Variants in ADAMTS16 observed in about 807,000 individuals in gnomAD.
ADAMTS16 encodes the protein ADAM metallopeptidase with thrombospondin type 1 motif 16.
Under a neutral mutation model 145.8 loss-of-function variants are expected in ADAMTS16, and 94 were observed. The observed-to-expected ratio is 0.64, with a 90% CI of 0.55 to 0.77. ADAMTS16 has a LOEUF of 0.77. Ranked by LOEUF, ADAMTS16 falls within the 30% of genes least tolerant of loss-of-function variation. The pLI is 0.00. For synonymous variants in ADAMTS16, 659 were observed against 604.3 expected (o/e 1.09, Z -1.33); for missense variants, 1,585 against 1,591.5 (o/e 1.00, Z 0.07).
chr5:5,184,473 C>T (rs1049032176), intron 4 of ADAMTS16, among the ~76,000 whole-genome samples: 1 of 152,138 alleles, frequency 6.6e-6, no homozygotes, highest in African/African-American at 2.4e-5. Flanking sequence ...GAACTCAGGG[C>T]AGTCCTGCTC....
chr5:5,308,327 G>C (rs574655480), intron 21 of ADAMTS16, among the ~76,000 whole-genome samples: 2 of 152,216 alleles, frequency 1.3e-5, no homozygotes, highest in African/African-American at 4.8e-5. Flanking sequence ...CACAGTGTAC[G>C]TACAGCCTTC....
chr5:5,275,848 A>G (rs1579369411), intron 18 of ADAMTS16, among the ~76,000 whole-genome samples: 1 of 142,668 alleles, frequency 7.0e-6, no homozygotes, highest in East Asian at 2.0e-4. Context: ...TTTTAATTTT[A>G]TCAAATGAAG....
At chr5:5,234,636 T>C (rs1737038995) in intron 12 of ADAMTS16, among the ~76,000 whole-genome samples, 1 of 152,002 alleles carries the variant, frequency 6.6e-6, no homozygotes, top group Non-Finnish European at 1.5e-5. Context: ...CTTTGGGAGG[T>C]TGAGGTGCAC....
intron 10 of ADAMTS16, among the ~76,000 whole-genome samples, chr5:5,218,221 T>C (rs888709588): frequency 6.6e-6 from 1 of 152,224 alleles, no homozygotes; most frequent in Non-Finnish European, 1.5e-5. Context: ...TTTACTTTTC[T>C]TTTTTTAACT....
intron 3 of ADAMTS16, among the ~76,000 whole-genome samples, chr5:5,180,375 T>A (rs1459454359): frequency 6.6e-6 from 1 of 152,212 alleles, no homozygotes; most frequent in African/African-American, 2.4e-5. Context: ...GTAATAACAT[T>A]TATTAGGACT....
intron 7 of ADAMTS16, among the ~76,000 whole-genome samples, chr5:5,191,031 G>A (rs2126576435): frequency 6.6e-6 from 1 of 152,338 alleles, no homozygotes. Flanking sequence ...TCTAATGAGT[G>A]TCCCTGGTGG....
intron 13 of ADAMTS16, among the ~76,000 whole-genome samples, chr5:5,235,935 T>C (rs772559378): frequency 2.8e-4 from 42 of 152,238 alleles, no homozygotes; most frequent in Admixed American, 6.5e-4. Context: ...TTCATGCAGT[T>C]AGAAAATTCT....
At chr5:5,208,827 CATG>C (rs1330893518) in intron 9 of ADAMTS16, among the ~76,000 whole-genome samples, 3 of 152,224 alleles carry the variant, frequency 2.0e-5, no homozygotes, top group East Asian at 1.9e-4. Flanking sequence ...CACTTTTCCT[CATG>C]ATAAGTTTAA....
chr5:5,248,546 A>G (rs10075921), intron 17 of ADAMTS16, among the ~76,000 whole-genome samples: 5,294 of 152,316 alleles, frequency 0.035, 109 homozygotes, highest in Middle Eastern at 0.058. Flanking sequence ...TGGCATTCAA[A>G]TAGATTCTGT....
intron 3 of ADAMTS16, among the ~76,000 whole-genome samples, chr5:5,149,234 G>A (rs922852013): frequency 6.6e-6 from 1 of 152,154 alleles, no homozygotes; most frequent in Non-Finnish European, 1.5e-5. Context: ...AGTTAAGTAA[G>A]GGTAATTTTT....
In ADAMTS16 at chr5:5,261,578, C is replaced by G. The variant is rs139166555; in HGVS notation, c.2663-1079C>G. ...CTCTGCTCACTGCAACCTCCAACTA[C>G]CTGGTTCCAGCGATTCTTCTGCCTC... On this transcript the variant is annotated intron_variant, in intron 17 of 22. Coordinates refer to ENST00000274181, the MANE Select transcript of ADAMTS16 (RefSeq NM_139056.4). Among the ~76,000 whole-genome samples the G allele has an allele frequency of 1.7e-4, 26 of 151,190 alleles. No homozygotes were observed. The East Asian group carries it at 4.5e-3, about 26-fold the overall frequency.
intron 18 of ADAMTS16, among the ~76,000 whole-genome samples, chr5:5,263,934 C>A (rs924118798): frequency 6.6e-6 from 1 of 152,008 alleles, no homozygotes; most frequent in Non-Finnish European, 1.5e-5. Context: ...ATGGTGAGGG[C>A]GGAGAATTTT....
At chr5:5,240,124 T>C (rs932070512) in intron 16 of ADAMTS16, among the ~76,000 whole-genome samples, 199 bp downstream of exon 16, 1 of 152,240 alleles carries the variant, frequency 6.6e-6, no homozygotes, top group African/African-American at 2.4e-5. Flanking sequence ...TGTATTTAAG[T>C]GCTCACCTGT....
chr5:5,216,774 C>A lies in ADAMTS16; in HGVS notation c.1606-6015C>A, dbSNP rs532340832. On this transcript the variant is annotated intron_variant, in intron 10 of 22. Coordinates refer to ENST00000274181, the MANE Select transcript of ADAMTS16 (RefSeq NM_139056.4). ...CTCCCCCCTCCCCCCACCCCACAAC[C>A]GTCCCCAGAGTGTGATATTCCCCTT... 2.6e-3 allele frequency among the ~76,000 whole-genome samples: 328 copies of A among 125,498 alleles called. 8 individuals carry two copies. Among genetic ancestry groups the A allele is most frequent in the Admixed American group, 0.021 (238 of 11,078 alleles). 82.3% of individuals were successfully genotyped at this position (125,498 alleles called of 152,430 possible). A position where few individuals can be genotyped will look rare whatever the true frequency, so the allele number is the denominator to read the frequency against.
At chr5:5,265,743 C>T (rs1420571127) in intron 18 of ADAMTS16, among the ~76,000 whole-genome samples, 2 of 152,184 alleles carry the variant, frequency 1.3e-5, no homozygotes, top group East Asian at 1.9e-4. Flanking sequence ...CTTGACCTCA[C>T]ACCCCCTGCT....
At chr5:5,318,044 AG>A (rs1734125839) in intron 21 of ADAMTS16, 89 bp from the exon 22 acceptor site, 1 of 1,238,296 alleles carries the variant, frequency 8.1e-7, no homozygotes, top group Admixed American at 4.1e-5. Flanking sequence ...GGCCTGCAGC[AG>A]CAGGCCTTTT....
intron 3 of ADAMTS16, among the ~76,000 whole-genome samples, chr5:5,163,702 T>C (rs548354183): frequency 6.6e-6 from 1 of 152,380 alleles, no homozygotes; most frequent in East Asian, 1.9e-4. Context: ...TTGCTTTCGA[T>C]ATTTATCTAT....
intron 14 of ADAMTS16, 146 bp from the exon 15 acceptor site, chr5:5,239,005 G>A: frequency 2.4e-6 from 2 of 843,594 alleles, no homozygotes; most frequent in Non-Finnish European, 3.4e-6. Flanking sequence ...GCACATATTA[G>A]GTATCCAATA....
Position 5,319,037 on chromosome 5 carries a change from G to C in ADAMTS16, c.3574G>C (p.Asp1192His). The change falls in exon 23 of 23, where the codon GAC becomes CAC. Residue 1192 changes from aspartate to histidine, a missense_variant. By Grantham distance (81) the Asp-to-His change is moderately conservative. This residue lies in a region of ADAMTS16 where 834 missense variants were observed against 811.7 expected (regional missense o/e 1.03). Coordinates refer to ENST00000274181, the MANE Select transcript of ADAMTS16 (RefSeq NM_139056.4). ...CTCATTTTCAGATGCCTTCTGCAAAGACTACTTCCACTGGTGCTACCTGGT... is the reference window on the plus strand; with the variant it reads ...CTCATTTTCAGATGCCTTCTGCAAACACTACTTCCACTGGTGCTACCTGGT... ...IAEKKDAFCK[D>H]YFHWCYLVPQ... The C allele has an allele frequency of 6.2e-7, 1 of 1,612,648 alleles. No homozygotes were observed.
Sources: allele counts gnomAD v4.1 joint callset (sites outside exome capture counted in the v4.1 genomes callset), GRCh38; gene constraint gnomAD v4.1.1; regional missense constraint gnomAD v4.1.1; transcripts MANE v1.5; gene names NCBI Gene and HGNC (gene_info 2026-07-23, HGNC 2026-07-21).